Variants in MYT1L observed in about 807,000 individuals in gnomAD.
The protein encoded by MYT1L is myelin transcription factor 1-like protein.
A neutral mutation model predicts 126.7 loss-of-function variants in MYT1L; 12 were observed. The ratio of observed to expected loss-of-function variants is 0.09; its 90% CI spans 0.06 to 0.15. The LOEUF is 0.15. Among genes scored for constraint, MYT1L ranks in the 10% least tolerant of loss-of-function variants. The probability of loss-of-function intolerance (pLI) is 1.00; values close to 1 mark genes in which losing one functional copy is unlikely to be tolerated. For synonymous variants in MYT1L, 541 were observed against 604.2 expected, an observed-to-expected ratio of 0.90 and a Z score of 1.53; for missense variants, 979 against 1,585.2, an observed-to-expected ratio of 0.62 and a Z score of 6.49.
At chr2:2,155,759 T>A (rs900161528) in intron 3 of MYT1L, among the ~76,000 whole-genome samples, 4 of 152,310 alleles carry the variant, frequency 2.6e-5, no homozygotes, top group East Asian at 1.9e-4. Flanking sequence ...TGGAGCTGTA[T>A]GGAGCCACTA....
At chr2:2,191,075 G>A (rs1263578191) in intron 2 of MYT1L, among the ~76,000 whole-genome samples, 4 of 152,204 alleles carry the variant, frequency 2.6e-5, no homozygotes, top group Admixed American at 6.5e-5. Context: ...GTGGGCCACC[G>A]CGCCTGGCTG....
chr2:2,032,015 C>T (rs1276067689), intron 4 of MYT1L, among the ~76,000 whole-genome samples: 2 of 83,436 alleles, frequency 2.4e-5, no homozygotes, highest in Admixed American at 1.4e-4. Context: ...GATTCTAGAA[C>T]GAGGGCCTTA....
At chr2:2,207,692 C>T (rs113797871) in intron 2 of MYT1L, among the ~76,000 whole-genome samples, 1 of 152,160 alleles carries the variant, frequency 6.6e-6, no homozygotes, top group African/African-American at 2.4e-5. Context: ...ATCACAGATT[C>T]TCTCAGGATC....
At chr2:1,994,560 G>A (rs2061686065) in intron 5 of MYT1L, among the ~76,000 whole-genome samples, 1 of 152,186 alleles carries the variant, frequency 6.6e-6, no homozygotes, top group Non-Finnish European at 1.5e-5. Context: ...CAGCAGATGT[G>A]TGGCTACGGT....
In MYT1L at chr2:2,059,130, C is replaced by T. The variant is rs570720481; in HGVS notation, c.-303-5007G>A. 2.6e-5 allele frequency among the ~76,000 whole-genome samples: 4 copies of T among 152,304 alleles called. No individual in the cohort carries two copies. Among genetic ancestry groups the T allele is most frequent in the South Asian group, 2.1e-4 (1 of 4,820 alleles). ...GTCTTGTTATTCCTCAAAAGGTCTG[C>T]GTGTCACCCACACTGGCGGGAACTG... On this transcript the variant is annotated intron_variant, in intron 3 of 24. Transcript: ENST00000647738. This position sits in a 1 kb window ranked among gnomAD's most constrained non-coding sequence, Gnocchi z 4.7.
At chr2:2,222,557 A>T (rs1273828704) in intron 2 of MYT1L, among the ~76,000 whole-genome samples, 11 of 152,078 alleles carry the variant, frequency 7.2e-5, no homozygotes, top group Non-Finnish European at 7.4e-5. Flanking sequence ...GATTTTGAAC[A>T]TATATAGGAG....
chr2:2,091,682 G>C (rs2076929161), intron 3 of MYT1L, among the ~76,000 whole-genome samples: 1 of 152,038 alleles, frequency 6.6e-6, no homozygotes, highest in Non-Finnish European at 1.5e-5. Context: ...CCAATATAAG[G>C]CTGTTTCATC....
chr2:1,973,942 G>A (rs865929603), intron 8 of MYT1L, among the ~76,000 whole-genome samples: 1 of 152,178 alleles, frequency 6.6e-6, no homozygotes, highest in Non-Finnish European at 1.5e-5. Flanking sequence ...CTGCTACGAG[G>A]GTGAGGAGAA....
rs534233451 is a variant in MYT1L at position 2,301,149 on chromosome 2, C to T, written c.-520-16646G>A. Reference sequence around the variant, plus strand: ...TTCTGTAAACCCAGACCTTTCGCTCCGTGCCAGCCTTGCACTTTTCTCTTC... The same window carrying T: ...TTCTGTAAACCCAGACCTTTCGCTCTGTGCCAGCCTTGCACTTTTCTCTTC... On this transcript the variant is annotated intron_variant, in intron 1 of 24. Transcript: ENST00000647738. 7.2e-5 allele frequency among the ~76,000 whole-genome samples: 11 copies of T among 152,124 alleles called. No individual in the cohort carries two copies. In the South Asian group the frequency reaches 1.0e-3, roughly 14 times the overall value.
At chr2:1,920,946 C>T (rs932277714) in intron 10 of MYT1L, among the ~76,000 whole-genome samples, 40 of 152,222 alleles carry the variant, frequency 2.6e-4, no homozygotes, top group Admixed American at 1.3e-4. Context: ...AGGCACCTGC[C>T]GAGAGTCCCC....
At chr2:1,916,371 A>G (rs972893805) in intron 11 of MYT1L, among the ~76,000 whole-genome samples, 19 of 152,134 alleles carry the variant, frequency 1.2e-4, no homozygotes, top group African/African-American at 4.6e-4. Flanking sequence ...CCCCACTAGA[A>G]ACTGTGTCTT....
At chr2:2,016,786 C>T (rs1043856833) in intron 4 of MYT1L, among the ~76,000 whole-genome samples, 20 of 152,216 alleles carry the variant, frequency 1.3e-4, no homozygotes, top group African/African-American at 4.3e-4. Flanking sequence ...CGTGAAGACA[C>T]GAAACCACAT....
At chr2:2,302,281 A>T (rs2095797082) in intron 1 of MYT1L, among the ~76,000 whole-genome samples, 1 of 152,220 alleles carries the variant, frequency 6.6e-6, no homozygotes, top group African/African-American at 2.4e-5. Context: ...TAGTAGATAG[A>T]TGAGTAATTA....
At chr2:2,229,178 A>G (rs2094098970) in intron 2 of MYT1L, among the ~76,000 whole-genome samples, 2 of 152,262 alleles carry the variant, frequency 1.3e-5, no homozygotes, top group Non-Finnish European at 2.9e-5. Flanking sequence ...TACAAATAGA[A>G]TCACATTATT....
chr2:2,111,100 C>G (rs1386532912), intron 3 of MYT1L, among the ~76,000 whole-genome samples: 3 of 152,170 alleles, frequency 2.0e-5, no homozygotes, highest in Admixed American at 2.0e-4. Flanking sequence ...AGCCCATGTT[C>G]TTAGAGGCTG....
At chr2:2,131,905 CTTTTTTTTTTTTT>C (rs58810405) in intron 3 of MYT1L, among the ~76,000 whole-genome samples, 1 of 111,098 alleles carries the variant, frequency 9.0e-6, no homozygotes, top group Non-Finnish European at 1.8e-5. Context: ...AGAGTTCATC[CTTTTTTTTTTTTT>C]TTTTTTTTTG....
At chr2:2,076,020 A>T (rs547018205) in intron 3 of MYT1L, among the ~76,000 whole-genome samples, 1 of 152,350 alleles carries the variant, frequency 6.6e-6, no homozygotes. Context: ...CTCTTAGGAA[A>T]TCTGGACTCT....
intron 9 of MYT1L, among the ~76,000 whole-genome samples, chr2:1,923,675 C>A (rs1360782192): frequency 6.6e-6 from 1 of 152,152 alleles, no homozygotes; most frequent in Non-Finnish European, 1.5e-5. Context: ...AGTTCATGAA[C>A]TTTACTTGTT....
In MYT1L at chr2:1,797,014, G is replaced by T. The variant is rs577942998; in HGVS notation, c.3277-4550C>A. On this transcript the variant is annotated intron_variant, in intron 23 of 24. Transcript: ENST00000647738. ...GGCAAGCTTTTCTTGTCTCTGCTCC[G>T]GGCTCTGGTGTGAACTGAGTTGAAT... is the stretch of plus-strand genomic sequence containing the variant. Among the ~76,000 whole-genome samples the T allele has an allele frequency of 2.0e-5, 3 of 152,242 alleles. No homozygotes were observed. In the East Asian group the frequency reaches 5.8e-4, roughly 29 times the overall value.
Sources: gnomAD v4.1 joint callset for allele counts (sites outside exome capture counted in the v4.1 genomes callset) on GRCh38, gnomAD v4.1.1 for gene constraint, Gnocchi (gnomAD v3.1) non-coding constraint, MANE v1.5 for transcripts, NCBI Gene and HGNC (gene_info 2026-07-23, HGNC 2026-07-21) for gene names.